KCNK2: variants seen among roughly 807,000 people sequenced by gnomAD.
KCNK2 encodes the protein potassium channel subfamily K member 2.
KCNK2 carries 21 observed loss-of-function variants against 40.5 expected under a neutral mutation model. The ratio of observed to expected loss-of-function variants is 0.52; its 90% CI spans 0.37 to 0.75. KCNK2 has a LOEUF of 0.75. Ranked by LOEUF, KCNK2 falls within the 30% of genes least tolerant of loss-of-function variation. The pLI, the probability that KCNK2 is intolerant of heterozygous loss-of-function variation, is 0.00. For missense variants in KCNK2, 399 were observed against 531.6 expected (o/e 0.75, Z 2.45); for synonymous variants, 191 against 202.2 (o/e 0.94, Z 0.47).
intron 3 of KCNK2, among the ~76,000 whole-genome samples, chr1:215,139,753 T>C (rs1662089995): frequency 6.6e-6 from 1 of 152,156 alleles, no homozygotes. Flanking sequence ...GTATGACATA[T>C]ATATGTATGA....
intron 6 of KCNK2, among the ~76,000 whole-genome samples, chr1:215,210,649 TAG>T (rs1367233801): frequency 6.6e-6 from 1 of 151,926 alleles, no homozygotes; most frequent in Non-Finnish European, 1.5e-5. Flanking sequence ...TATATATATA[TAG>T]AGAGAGAGTA....
At chr1:215,105,090 A>G (rs1660379805) in intron 2 of KCNK2, among the ~76,000 whole-genome samples, 1 of 152,130 alleles carries the variant, frequency 6.6e-6, no homozygotes, top group Admixed American at 6.6e-5. Context: ...AGCTCTACCC[A>G]GTTAACAAAT....
rs1328709058 is a variant in KCNK2, at chr1:215,086,525, G to C, written c.204G>C (p.Val68=). ...AGACGGTCTCCACGATATTCCTGGT[G>C]GTTGTCCTCTATCTGATCATCGGAG... The part of the protein sequence containing the change: ...KWKTVSTIFL[V]VVLYLIIGAT... Residue 68 remains valine, a synonymous_variant, in exon 2 of 7, where the codon GTG becomes GTC. Coordinates refer to ENST00000444842, the MANE Select transcript of KCNK2 (RefSeq NM_001017425.3). The C allele has an allele frequency of 2.5e-6, 4 of 1,614,082 alleles. No individual in the cohort carries two copies. In the African/African-American group the frequency reaches 5.3e-5, roughly 22 times the overall value.
intron 3 of KCNK2, among the ~76,000 whole-genome samples, chr1:215,165,144 A>G (rs2363566): frequency 0.77 from 116,937 of 152,104 alleles, 45,243 homozygotes; most frequent in Non-Finnish European, 0.79. Flanking sequence ...TATTTTGGCC[A>G]CAGTTACTTT....
At chr1:215,208,250 C>T (rs910576819) in intron 6 of KCNK2, among the ~76,000 whole-genome samples, 10 of 151,996 alleles carry the variant, frequency 6.6e-5, no homozygotes, top group South Asian at 2.1e-4. Context: ...AGCAAACTAA[C>T]GCAGGAACAG....
At chr1:215,151,299 T>A (rs1182325207) in intron 3 of KCNK2, among the ~76,000 whole-genome samples, 1 of 152,126 alleles carries the variant, frequency 6.6e-6, no homozygotes, top group African/African-American at 2.4e-5. Flanking sequence ...TAGGCCACCC[T>A]TATTCATTGG....
intron 3 of KCNK2, 55 bp downstream of exon 3, chr1:215,124,805 C>A: frequency 9.4e-7 from 1 of 1,066,052 alleles, no homozygotes; most frequent in Admixed American, 1.8e-5. Context: ...GAGCTAAAAT[C>A]CATTTGTTTG....
At chr1:215,120,110 T>C (rs189156866) in intron 2 of KCNK2, among the ~76,000 whole-genome samples, 2 of 152,344 alleles carry the variant, frequency 1.3e-5, no homozygotes, top group Non-Finnish European at 2.9e-5. Flanking sequence ...TACAGCTCTG[T>C]GATAATGATT....
intron 3 of KCNK2, 58 bp from the exon 4 acceptor site, chr1:215,169,141 G>T: frequency 7.3e-7 from 1 of 1,374,590 alleles, no homozygotes; most frequent in Non-Finnish European, 9.9e-7. Flanking sequence ...AATCAATCTT[G>T]AGTTCATATG....
chr1:215,056,462 A>G (rs1432875140), intron 1 of KCNK2, among the ~76,000 whole-genome samples: 1 of 133,378 alleles, frequency 7.5e-6, no homozygotes, highest in Non-Finnish European at 1.6e-5. Context: ...CCAAGATTGT[A>G]CCACTATACT....
chr1:215,056,136 C>T (rs1658151281), intron 1 of KCNK2, among the ~76,000 whole-genome samples: 1 of 151,828 alleles, frequency 6.6e-6, no homozygotes, highest in Non-Finnish European at 1.5e-5. Context: ...TGGAGAAACC[C>T]CGTCTCTACT....
At chr1:215,040,754 C>A (rs1015000723) in intron 1 of KCNK2, among the ~76,000 whole-genome samples, 82 of 152,108 alleles carry the variant, frequency 5.4e-4, no homozygotes, top group African/African-American at 1.9e-3. Flanking sequence ...TGAGACTCAG[C>A]CGGATATCAA....
At chr1:215,197,544 T>G (rs566919230) in intron 6 of KCNK2, among the ~76,000 whole-genome samples, 1 of 152,296 alleles carries the variant, frequency 6.6e-6, no homozygotes, top group South Asian at 2.1e-4. Context: ...GCCCCACTTT[T>G]TTGACCTCAT....
chr1:215,229,101 G>T (rs1666512623), intron 6 of KCNK2, among the ~76,000 whole-genome samples: 1 of 151,792 alleles, frequency 6.6e-6, no homozygotes, highest in African/African-American at 2.4e-5. Context: ...TAGTGTTAGT[G>T]TATTTTATGT....
At chr1:215,009,101 G>T (rs1359290069) in intron 1 of KCNK2, among the ~76,000 whole-genome samples, 1 of 150,954 alleles carries the variant, frequency 6.6e-6, no homozygotes, top group African/African-American at 2.4e-5. Flanking sequence ...ATTTTTTTTT[G>T]AAAGTTTAAG....
intron 5 of KCNK2, among the ~76,000 whole-genome samples, chr1:215,174,456 T>C (rs1245478464): frequency 6.6e-6 from 1 of 152,222 alleles, no homozygotes; most frequent in Non-Finnish European, 1.5e-5. Flanking sequence ...CAATGCGGGC[T>C]CTTTTTTGGT....
chr1:215,173,873 C>T (rs1663832825), intron 5 of KCNK2, among the ~76,000 whole-genome samples: 1 of 152,096 alleles, frequency 6.6e-6, no homozygotes, highest in African/African-American at 2.4e-5. Flanking sequence ...GATATTAGCC[C>T]TTTGTCAGAT....
At chr1:215,023,422 C>T (rs1447854537) in intron 1 of KCNK2, among the ~76,000 whole-genome samples, 2 of 152,170 alleles carry the variant, frequency 1.3e-5, no homozygotes, top group South Asian at 2.1e-4. Flanking sequence ...TTAAAATCTG[C>T]CCCTCAGCCA....
At chr1:215,071,119 G>A (rs1658742293) in intron 1 of KCNK2, among the ~76,000 whole-genome samples, 1 of 152,140 alleles carries the variant, frequency 6.6e-6, no homozygotes, top group African/African-American at 2.4e-5. Context: ...CTGAACTAGT[G>A]GAGTTTCCAT....
Sources: gnomAD v4.1 joint callset for allele counts (sites outside exome capture counted in the v4.1 genomes callset) on GRCh38, gnomAD v4.1.1 for gene constraint, MANE v1.5 for transcripts, NCBI Gene and HGNC (gene_info 2026-07-23, HGNC 2026-07-21) for gene names.